Variants in PHF20L1 observed in about 807,000 individuals in gnomAD.
PHF20L1 encodes the protein PHD finger protein 20 like 1.
In PHF20L1, 44 loss-of-function variants were observed where a neutral mutation model predicts 125.5. That is an observed-to-expected ratio of 0.35 (90% confidence interval 0.28 to 0.45). The LOEUF is 0.45. Ranked by LOEUF, PHF20L1 falls within the 20% of genes least tolerant of loss-of-function variation. The pLI is 1.00. For synonymous variants in PHF20L1, 380 were observed against 403.1 expected, an observed-to-expected ratio of 0.94 and a Z score of 0.69; for missense variants, 1,012 against 1,217.2, an observed-to-expected ratio of 0.83 and a Z score of 2.51.
In PHF20L1 at chr8:132,838,049, A is replaced by G. The variant is rs75792293; in HGVS notation, c.2191+238A>G. ...TCATTATTCAGTGTGCCAGTTTCCAAGAACCTATTGATTACCCTTAGTGAG... is the reference window on the plus strand; with the variant it reads ...TCATTATTCAGTGTGCCAGTTTCCAGGAACCTATTGATTACCCTTAGTGAG... On this transcript the variant is annotated intron_variant, in intron 17 of 20. Transcript: ENST00000395386. 3,800 of 399,282 alleles carry G rather than the reference A, an allele frequency of 9.5e-3. 123 individuals are homozygous for G. Among genetic ancestry groups the G allele is most frequent in the African/African-American group, 0.069 (3,410 of 49,728 alleles). 24.7% of individuals were successfully genotyped at this position (399,282 alleles called of 1,614,324 possible).
chr8:132,778,505 T>C (rs1830071647), intron 2 of PHF20L1, among the ~76,000 whole-genome samples: 1 of 152,220 alleles, frequency 6.6e-6, no homozygotes, highest in African/African-American at 2.4e-5. Context: ...TTTCAGAACT[T>C]GTGTGTCTCC....
At chr8:132,823,322 A>G (rs2131758473) in intron 12 of PHF20L1, among the ~76,000 whole-genome samples, 1 of 152,090 alleles carries the variant, frequency 6.6e-6, no homozygotes, top group African/African-American at 2.4e-5. Context: ...ATTGTTGAAA[A>G]CCAGTATGCT....
rs778989837 is a variant in PHF20L1 at position 132,842,819 on chromosome 8, A to C, written c.2692A>C (p.Met898Leu). 3.1e-6 allele frequency: 5 copies of C among 1,612,770 alleles called. No homozygotes were observed. The African/African-American group carries it at 4.0e-5, about 13-fold the overall frequency. Residue 898 changes from methionine (M) to leucine (L), a missense_variant, in exon 19 of 21, where the codon ATG (methionine) becomes CTG (leucine). Met to Leu is a conservative substitution (Grantham distance 15). Transcript: ENST00000395386. ...SSLEEEQEFH[M>L]RSKNSLQYSA... ...TTTGGAAGAAGAACAAGAATTCCAC[A>C]TGAGAAGTAAAAACAGTTTACAGTA...
At chr8:132,812,206 A>G (rs1224837104) in intron 9 of PHF20L1, 1 of 977,994 alleles carries the variant, frequency 1.0e-6, no homozygotes, top group Non-Finnish European at 1.2e-6. Flanking sequence ...GTGTATTACT[A>G]TATTCAACGT....
At chr8:132,786,711 C>G (rs1831073844) in intron 2 of PHF20L1, among the ~76,000 whole-genome samples, 1 of 152,052 alleles carries the variant, frequency 6.6e-6, no homozygotes, top group Non-Finnish European at 1.5e-5. Flanking sequence ...CTTTCAGAGC[C>G]TCCATGACCT....
Position 132,832,378 on chromosome 8 carries a change from T to A in PHF20L1, c.1888T>A (p.Ser630Thr). Residue 630 changes from serine to threonine, a missense_variant, in exon 15 of 21, where the codon TCC becomes ACC. Physicochemically the swap from Ser to Thr is moderately conservative, Grantham distance 58. Coordinates refer to ENST00000395386, the MANE Select transcript of PHF20L1 (RefSeq NM_016018.5). The stretch of plus-strand genomic sequence containing the variant: ...CTATCAGTACCCAAGGGCAATTCTA[T>A]CCGTTGATCTTAGTGGTGAAAGTAT... ...TTYQYPRAIL[S>T]VDLSGENLSD... The A allele has an allele frequency of 1.9e-6, 3 of 1,611,676 alleles. No individual in the cohort carries two copies. Among genetic ancestry groups the A allele is most frequent in the Non-Finnish European group, 2.5e-6 (3 of 1,178,276 alleles).
At chr8:132,817,806 A>T in intron 12 of PHF20L1, 1 of 338,268 alleles carries the variant, frequency 3.0e-6, no homozygotes, top group Non-Finnish European at 5.4e-6. Context: ...TCTTTTTTAT[A>T]TATCCTTATT....
chr8:132,828,717 T>G (rs1836460314), intron 14 of PHF20L1, among the ~76,000 whole-genome samples: 1 of 152,048 alleles, frequency 6.6e-6, no homozygotes, highest in African/African-American at 2.4e-5. Flanking sequence ...GATTTAAGAG[T>G]GTCATCTTTG....
intron 15 of PHF20L1, among the ~76,000 whole-genome samples, chr8:132,832,843 C>T (rs1836922599): frequency 1.3e-5 from 2 of 152,086 alleles, no homozygotes; most frequent in African/African-American, 4.8e-5. Flanking sequence ...TAAAAGTATA[C>T]TTTGAATTCC....
chr8:132,835,962 A>T lies in PHF20L1; in HGVS notation c.1910-578A>T, dbSNP rs543815083. On this transcript the variant is annotated intron_variant, in intron 15 of 20. Transcript: ENST00000395386. Reference sequence around the variant, plus strand: ...TTACCTCTCTGAAGTTGTTTATAGTATGAATAATAAAACCCGTCCTCTTTA... The same window carrying T: ...TTACCTCTCTGAAGTTGTTTATAGTTTGAATAATAAAACCCGTCCTCTTTA... Among the ~76,000 whole-genome samples the T allele has an allele frequency of 3.9e-5, 6 of 152,186 alleles. No homozygotes were observed. In the South Asian group the frequency reaches 6.2e-4, roughly 16 times the overall value.
At chr8:132,841,471 C>T (rs572085739) in intron 18 of PHF20L1, 7 of 152,140 alleles carry the variant, frequency 4.6e-5, no homozygotes, top group African/African-American at 1.4e-4. Context: ...AGAAACAATA[C>T]TTGAGTATTA....
At chr8:132,844,861 C>T (rs1838275115) in intron 20 of PHF20L1, among the ~76,000 whole-genome samples, 1 of 152,058 alleles carries the variant, frequency 6.6e-6, no homozygotes. Context: ...GTAACTTAGA[C>T]TACCTGATTC....
chr8:132,844,202 G>T lies in PHF20L1; in HGVS notation c.2795G>T (p.Gly932Val), dbSNP rs760631142. ...GTATTTGTTTATAATGATAAAAAGG[G>T]CACCGAAGACCCAGGAGACTCACAT... ...NTVFVYNDKK[G>V]TEDPGDSHLQ... The change falls in exon 20 of 21, where the codon GGC becomes GTC. Residue 932 changes from glycine (G) to valine (V), a missense_variant. Transcript: ENST00000395386. The T allele has an allele frequency of 3.1e-6, 5 of 1,612,886 alleles. No homozygotes were observed. Among genetic ancestry groups the T allele is most frequent in the Non-Finnish European group, 4.2e-6 (5 of 1,179,206 alleles).
chr8:132,843,072 C>G, intron 19 of PHF20L1, 197 bp downstream of exon 19: 1 of 1,308,722 alleles, frequency 7.6e-7, no homozygotes, highest in Non-Finnish European at 9.7e-7. Flanking sequence ...TCTCCTAATT[C>G]AGAATTGTAG....
chr8:132,811,201 A>C, intron 9 of PHF20L1, 73 bp downstream of exon 9: 1 of 1,595,988 alleles, frequency 6.3e-7, no homozygotes. Flanking sequence ...TATCTACGTA[A>C]TTGAAATTCC....
At chr8:132,822,301 A>G (rs1039438047) in intron 12 of PHF20L1, among the ~76,000 whole-genome samples, 3 of 151,946 alleles carry the variant, frequency 2.0e-5, no homozygotes, top group Non-Finnish European at 4.4e-5. Context: ...TTGTCTTCCA[A>G]GTACCTAAGG....
In PHF20L1 at chr8:132,846,061, AC is replaced by A. The variant is rs1287763888; in HGVS notation, c.*140del. On this transcript the variant is annotated 3_prime_UTR_variant, in exon 21 of 21. Coordinates refer to ENST00000395386, the MANE Select transcript of PHF20L1 (RefSeq NM_016018.5). ...TGATTTGTGATGTCAATAGGATGGCACCTTGGAAAGAAAAATGAAGAACAAC... is the reference window on the plus strand; with the variant it reads ...TGATTTGTGATGTCAATAGGATGGCACTTGGAAAGAAAAATGAAGAACAAC... 1.6e-6 allele frequency: 1 copy of A among 615,752 alleles called. No individual in the cohort carries two copies. The highest frequency in any genetic ancestry group is 2.7e-6 in the Non-Finnish European group (1 of 367,672). 38.1% of individuals were successfully genotyped at this position (615,752 alleles called of 1,614,324 possible).
At chr8:132,811,354 T>C (rs944835607) in intron 9 of PHF20L1, 23 of 1,236,596 alleles carry the variant, frequency 1.9e-5, no homozygotes, top group Non-Finnish European at 2.1e-5. Context: ...TCTCCAAAAT[T>C]TGAAGGCCTG....
intron 14 of PHF20L1, among the ~76,000 whole-genome samples, chr8:132,829,391 T>C (rs7017169): frequency 0.46 from 70,235 of 151,914 alleles, 16,373 homozygotes; most frequent in South Asian, 0.52. Context: ...AAATGGTAAT[T>C]GATAGTTTTA....
Sources: gnomAD v4.1 joint callset for allele counts (sites outside exome capture counted in the v4.1 genomes callset) on GRCh38, gnomAD v4.1.1 for gene constraint, MANE v1.5 for transcripts, NCBI Gene and HGNC (gene_info 2026-07-23, HGNC 2026-07-21) for gene names.